The following CCDC171 variants were observed in gnomAD, a reference collection of about 807,000 sequenced individuals.
The protein encoded by CCDC171 is coiled-coil domain-containing protein 171.
In CCDC171, 177 loss-of-function variants were observed where a neutral mutation model predicts 168.2. The ratio of observed to expected loss-of-function variants is 1.05; its 90% CI spans 0.93 to 1.19. The LOEUF (loss-of-function observed/expected upper bound fraction) is 1.19. Ranked by LOEUF, CCDC171 falls within the 50% of genes most tolerant of loss-of-function variation. CCDC171 has a pLI of 0.00. For synonymous variants in CCDC171, 687 were observed against 540.8 expected (o/e 1.27, Z -3.75); for missense variants, 1,991 against 1,539.0 (o/e 1.29, Z -4.91).
chr9:15,769,882 C>A (rs1044300867), intron 18 of CCDC171, among the ~76,000 whole-genome samples: 2 of 152,190 alleles, frequency 1.3e-5, no homozygotes, highest in African/African-American at 4.8e-5. Context: ...AGAACTCCTT[C>A]AAAAGAGTTA....
chr9:16,089,343 T>C, the CCDC171 span, among the ~76,000 whole-genome samples: 2 of 151,998 alleles, frequency 1.3e-5, no homozygotes, highest in African/African-American at 2.4e-5. Flanking sequence ...TTCACTCTGA[T>C]GGTAGTTTCT....
the CCDC171 span, among the ~76,000 whole-genome samples, chr9:16,095,921 ATGATATAGGGGTATGTC>A: frequency 6.9e-6 from 1 of 144,174 alleles, no homozygotes; most frequent in Non-Finnish European, 1.5e-5. Flanking sequence ...CATATGATAT[ATGATATAGGGGTATGTC>A]TATATATAAT....
intron 3 of CCDC171, among the ~76,000 whole-genome samples, chr9:15,980,813 G>A (rs879262600): frequency 5.9e-4 from 28 of 47,236 alleles, no homozygotes; most frequent in Middle Eastern, 9.4e-3. Context: ...ACCCTGCCCC[G>A]CCCACCCAAT....
chr9:15,629,603 G>T (rs2045500746), intron 7 of CCDC171, among the ~76,000 whole-genome samples: 1 of 152,192 alleles, frequency 6.6e-6, no homozygotes, highest in Admixed American at 6.6e-5. Flanking sequence ...AAAACACTCT[G>T]CAGGATATTA....
At chr9:15,804,627 T>G (rs2058989785) in intron 21 of CCDC171, among the ~76,000 whole-genome samples, 1 of 152,140 alleles carries the variant, frequency 6.6e-6, no homozygotes. Flanking sequence ...GCTGCTGGAT[T>G]CAGTTTGCCA....
chr9:16,011,201 AC>A (rs929692453), intron 3 of CCDC171, among the ~76,000 whole-genome samples: 10 of 151,962 alleles, frequency 6.6e-5, no homozygotes, highest in African/African-American at 2.4e-4. Flanking sequence ...CTATGAGGTG[AC>A]CTTGAGGATG....
intron 9 of CCDC171, among the ~76,000 whole-genome samples, chr9:15,670,715 C>T (rs1216029966): frequency 6.6e-6 from 1 of 152,072 alleles, no homozygotes; most frequent in Non-Finnish European, 1.5e-5. Flanking sequence ...TTTTTGTTAA[C>T]CCATCTTTTT....
At position 15,604,785 on chromosome 9, in the gene CCDC171, G is replaced by A. The variant is rs573674408; in HGVS notation, c.675+10613G>A. On this transcript the variant is annotated intron_variant, in intron 6 of 25. Transcript: ENST00000380701. ...TATGATTGTGATGTAGTGACAACTC[G>A]GAGGAAGTTACGTGAAAAGAAAGTG... 7.2e-5 allele frequency among the ~76,000 whole-genome samples: 11 copies of A among 152,268 alleles called. 1 individual carries two copies. The South Asian group carries it at 1.9e-3, about 26-fold the overall frequency.
chr9:16,078,470 A>G, the CCDC171 span, among the ~76,000 whole-genome samples: 1 of 152,316 alleles, frequency 6.6e-6, no homozygotes, highest in South Asian at 2.1e-4. Flanking sequence ...GAGCACTTTT[A>G]TGGACATGGC....
At chr9:16,073,903 C>T in the CCDC171 span, among the ~76,000 whole-genome samples, 1 of 152,312 alleles carries the variant, frequency 6.6e-6, no homozygotes, top group Admixed American at 6.5e-5. Flanking sequence ...AGAGGGCTTT[C>T]AAAATTTCAC....
downstream of CCDC171, among the ~76,000 whole-genome samples, chr9:16,063,465 C>T (rs1168459099): frequency 6.6e-6 from 1 of 152,160 alleles, no homozygotes; most frequent in Non-Finnish European, 1.5e-5. Context: ...TTATGCAATT[C>T]ACTGTCTTCA....
intron 25 of CCDC171, among the ~76,000 whole-genome samples, chr9:15,965,400 T>C (rs913053723): frequency 1.3e-5 from 2 of 152,148 alleles, no homozygotes; most frequent in African/African-American, 2.4e-5. Context: ...GGCAACATGG[T>C]AAGGTAATGG....
At chr9:15,696,397 C>T (rs1393930772) in intron 11 of CCDC171, among the ~76,000 whole-genome samples, 2 of 152,132 alleles carry the variant, frequency 1.3e-5, no homozygotes, top group Non-Finnish European at 2.9e-5. Context: ...TAATGTGTAA[C>T]TATCTTTGTT....
At chr9:15,932,281 T>A (rs1487277517) in intron 25 of CCDC171, among the ~76,000 whole-genome samples, 1 of 151,924 alleles carries the variant, frequency 6.6e-6, no homozygotes, top group Non-Finnish European at 1.5e-5. Context: ...CCTCTTCACT[T>A]TATTTTATTA....
intron 23 of CCDC171, among the ~76,000 whole-genome samples, chr9:15,859,272 T>A (rs2061460980): frequency 6.6e-6 from 1 of 152,094 alleles, no homozygotes; most frequent in African/African-American, 2.4e-5. Context: ...TTAATTGTGC[T>A]TTTGAATTCA....
chr9:15,821,719 G>T lies in CCDC171; in HGVS notation c.3268-24983G>T, dbSNP rs1389686006. ...AAATGGAAGAACATTCCATGCTCCTGGGTGGGAAGAATCAATATCGTGAAA... is the reference window on the plus strand; with the variant it reads ...AAATGGAAGAACATTCCATGCTCCTTGGTGGGAAGAATCAATATCGTGAAA... On this transcript the variant is annotated intron_variant, in intron 21 of 25. Coordinates refer to ENST00000380701, the MANE Select transcript of CCDC171 (RefSeq NM_173550.4). 4.3e-5 allele frequency among the ~76,000 whole-genome samples: 5 copies of T among 117,108 alleles called. 2 individuals carry two copies. Among genetic ancestry groups the T allele is most frequent in the African/African-American group, 1.6e-4 (5 of 31,012 alleles). The allele number at this position is 117,108 out of a possible 152,430, so 76.8% of individuals were successfully genotyped here. A position where few individuals can be genotyped will look rare whatever the true frequency, so the allele number is the denominator to read the frequency against.
At chr9:15,899,940 C>T (rs1375229515) in intron 24 of CCDC171, among the ~76,000 whole-genome samples, 3 of 151,966 alleles carry the variant, frequency 2.0e-5, no homozygotes, top group Non-Finnish European at 4.4e-5. Flanking sequence ...AGCTCGAGAT[C>T]CCAAAGATTT....
chr9:15,623,923 A>C (rs1383576080), intron 7 of CCDC171, among the ~76,000 whole-genome samples: 1 of 152,236 alleles, frequency 6.6e-6, no homozygotes, highest in Non-Finnish European at 1.5e-5. Flanking sequence ...TACTGAAAAT[A>C]ACTTTTAATC....
chr9:15,628,595 G>A (rs2045381734), intron 7 of CCDC171, among the ~76,000 whole-genome samples: 1 of 152,222 alleles, frequency 6.6e-6, no homozygotes, highest in African/African-American at 2.4e-5. Flanking sequence ...CCACCTATGG[G>A]GGCAGGGCAC....
Sources: allele counts gnomAD v4.1 joint callset (sites outside exome capture counted in the v4.1 genomes callset), GRCh38; gene constraint gnomAD v4.1.1; transcripts MANE v1.5; gene names NCBI Gene and HGNC (gene_info 2026-07-23, HGNC 2026-07-21).